TMEM132D: variants seen among roughly 807,000 people sequenced by gnomAD.
TMEM132D encodes mature OL transmembrane protein.
Under a neutral mutation model 62.3 loss-of-function variants are expected in TMEM132D, and 21 were observed. The observed-to-expected ratio is 0.34, with a 90% confidence interval of 0.24 to 0.49. The LOEUF is 0.49. Among genes scored for constraint, TMEM132D ranks in the 20% least tolerant of loss-of-function variants. The pLI, the probability that TMEM132D is intolerant of heterozygous loss-of-function variation, is 0.99. For missense variants in TMEM132D, 1,346 were observed against 1,402.8 expected, an observed-to-expected ratio of 0.96 and a Z score of 0.65; for synonymous variants, 621 against 575.6, an observed-to-expected ratio of 1.08 and a Z score of -1.13.
intron 2 of TMEM132D, among the ~76,000 whole-genome samples, chr12:129,683,941 C>G (rs185657829): frequency 5.9e-5 from 9 of 152,264 alleles, no homozygotes; most frequent in Admixed American, 2.0e-4. Flanking sequence ...AGCAGACTAT[C>G]AGGTAGACCT....
intron 5 of TMEM132D, among the ~76,000 whole-genome samples, chr12:129,138,465 C>G (rs1876648558): frequency 6.6e-6 from 1 of 152,174 alleles, no homozygotes; most frequent in Non-Finnish European, 1.5e-5. Context: ...TGCCTGCAAT[C>G]TCAGCACTTT....
Position 129,591,580 on chromosome 12 carries a change from A to T in TMEM132D, c.969-60375T>A, listed in dbSNP as rs569890479. On this transcript the variant is annotated intron_variant, in intron 2 of 8. Coordinates refer to ENST00000422113, the MANE Select transcript of TMEM132D (RefSeq NM_133448.3). ...GTTTTAGGAACTAGGGTGGGGCCAC[A>T]TCATACATTCACTCAACATATATTT... 2.6e-5 allele frequency among the ~76,000 whole-genome samples: 4 copies of T among 151,656 alleles called. No homozygotes were observed. In the South Asian group the frequency reaches 8.3e-4, roughly 32 times the overall value.
chr12:129,425,407 T>C (rs1189640510), intron 3 of TMEM132D, among the ~76,000 whole-genome samples: 1 of 56,174 alleles, frequency 1.8e-5, no homozygotes, highest in Non-Finnish European at 2.9e-5. Flanking sequence ...ATGCTTGCAC[T>C]TTTTTTTTTT....
intron 8 of TMEM132D, 47 bp from the exon 9 acceptor site, chr12:129,075,106 T>G (rs1427155928): frequency 4.6e-6 from 7 of 1,525,218 alleles, no homozygotes; most frequent in Non-Finnish European, 6.2e-6. Context: ...AAAAAGCTCA[T>G]TGAGCCCCAA....
intron 1 of TMEM132D, among the ~76,000 whole-genome samples, chr12:129,710,813 G>A (rs1393603308): frequency 6.6e-6 from 1 of 152,022 alleles, no homozygotes; most frequent in Admixed American, 6.5e-5. Flanking sequence ...CTTCCCTTCC[G>A]CCGCCTCCTC....
chr12:129,120,159 C>T (rs954131412), intron 5 of TMEM132D, among the ~76,000 whole-genome samples: 4 of 152,020 alleles, frequency 2.6e-5, no homozygotes, highest in African/African-American at 9.7e-5. Context: ...TGCATAAGAC[C>T]ATTAGGGTGT....
intron 4 of TMEM132D, among the ~76,000 whole-genome samples, chr12:129,221,964 T>C (rs1265530072): frequency 6.6e-6 from 1 of 152,204 alleles, no homozygotes; most frequent in Non-Finnish European, 1.5e-5. Context: ...TGTGCTTCTT[T>C]TGACAAGTGC....
Position 129,127,858 on chromosome 12 carries a change from G to A in TMEM132D, c.1444-43156C>T, listed in dbSNP as rs564483474. On this transcript the variant is annotated intron_variant, in intron 5 of 8. Transcript: ENST00000422113. ...TCACCTTCTAACTGCACTGGTTACT[G>A]CCAGGGCCAGCGGCCTGCAGACGAG... 3.9e-4 allele frequency among the ~76,000 whole-genome samples: 59 copies of A among 152,314 alleles called. No homozygotes were observed. The Middle Eastern group carries it at 0.01, about 26-fold the overall frequency.
At chr12:129,824,131 C>T (rs1367259199) in intron 1 of TMEM132D, among the ~76,000 whole-genome samples, 2 of 152,134 alleles carry the variant, frequency 1.3e-5, no homozygotes, top group African/African-American at 4.8e-5. Flanking sequence ...AGAATTCGAA[C>T]CCAGGAAGCC....
At chr12:129,135,252 C>T (rs1361573744) in intron 5 of TMEM132D, among the ~76,000 whole-genome samples, 2 of 152,186 alleles carry the variant, frequency 1.3e-5, no homozygotes, top group Non-Finnish European at 1.5e-5. Flanking sequence ...TATAAACCAA[C>T]ATATTCCCTT....
chr12:129,511,487 G>T (rs55915410), intron 3 of TMEM132D, among the ~76,000 whole-genome samples: 13,330 of 152,232 alleles, frequency 0.088, 760 homozygotes, highest in African/African-American at 0.16. Context: ...CAAGTATAAG[G>T]CTTTGTCAGT....
intron 3 of TMEM132D, among the ~76,000 whole-genome samples, chr12:129,345,685 T>A (rs1869659455): frequency 6.6e-6 from 1 of 152,130 alleles, no homozygotes; most frequent in South Asian, 2.1e-4. Context: ...GCATGTTTGA[T>A]GAGAGGAAAA....
intron 3 of TMEM132D, among the ~76,000 whole-genome samples, chr12:129,402,118 G>T (rs570397235): frequency 3.3e-5 from 5 of 152,314 alleles, no homozygotes; most frequent in Admixed American, 3.3e-4. Context: ...TGCTGTTGAA[G>T]CCTCAGGTTT....
intron 3 of TMEM132D, among the ~76,000 whole-genome samples, chr12:129,446,789 A>C (rs1368483180): frequency 6.6e-6 from 1 of 152,232 alleles, no homozygotes; most frequent in Admixed American, 6.5e-5. Context: ...TCTTACTTAA[A>C]GGAGGAAAAA....
intron 5 of TMEM132D, among the ~76,000 whole-genome samples, chr12:129,180,210 G>GGGAGGAGGAGGAGGAGGAGGAGGAGGA (rs61354153): frequency 1.3e-5 from 2 of 149,912 alleles, no homozygotes; most frequent in African/African-American, 4.9e-5. Flanking sequence ...ACAGATAGTG[G>GGGAGGAGGAGGAGGAGGAGGAGGAGGA]GGAGGAGGAG....
chr12:129,885,062 G>GA (rs1199832921), intron 1 of TMEM132D, among the ~76,000 whole-genome samples: 10 of 152,138 alleles, frequency 6.6e-5, no homozygotes, highest in Non-Finnish European at 1.3e-4. Context: ...TAACATTCTG[G>GA]AAAAAACAAA....
intron 2 of TMEM132D, among the ~76,000 whole-genome samples, chr12:129,568,357 C>T (rs1189789320): frequency 6.6e-6 from 1 of 152,222 alleles, no homozygotes; most frequent in African/African-American, 2.4e-5. Context: ...ATCCAACGCA[C>T]TGACAAACGC....
chr12:129,271,162 G>C (rs1246253085), intron 4 of TMEM132D, among the ~76,000 whole-genome samples: 1 of 152,114 alleles, frequency 6.6e-6, no homozygotes, highest in Non-Finnish European at 1.5e-5. Context: ...ATCAGGCCAT[G>C]TTTTGCTGGG....
At chr12:129,356,506 C>T (rs925242573) in intron 3 of TMEM132D, among the ~76,000 whole-genome samples, 6 of 151,460 alleles carry the variant, frequency 4.0e-5, no homozygotes, top group South Asian at 2.1e-4. Flanking sequence ...AAATGCTACA[C>T]GAAAGCTTCT....
Sources: allele counts gnomAD v4.1 joint callset (sites outside exome capture counted in the v4.1 genomes callset), GRCh38; gene constraint gnomAD v4.1.1; transcripts MANE v1.5; gene names NCBI Gene and HGNC (gene_info 2026-07-23, HGNC 2026-07-21).